Variants in DISC1 observed in about 807,000 individuals in gnomAD.
DISC1 encodes disrupted in schizophrenia 1 protein.
Under a neutral mutation model 84.5 loss-of-function variants are expected in DISC1, and 57 were observed. That is an observed-to-expected ratio of 0.67 (90% confidence interval 0.55 to 0.84). The LOEUF is 0.84. Among genes scored for constraint, DISC1 ranks in the 40% least tolerant of loss-of-function variants. The probability of loss-of-function intolerance (pLI) is 0.00; values close to 1 mark genes in which losing one functional copy is unlikely to be tolerated. For missense variants in DISC1, 1,000 were observed against 1,057.8 expected, an observed-to-expected ratio of 0.95 and a Z score of 0.76; for synonymous variants, 411 against 415.2, an observed-to-expected ratio of 0.99 and a Z score of 0.12.
At chr1:231,920,190 G>A (rs766412548) in intron 9 of DISC1, among the ~76,000 whole-genome samples, 22 of 152,148 alleles carry the variant, frequency 1.4e-4, no homozygotes, top group South Asian at 4.1e-4. Context: ...AAAACACAGC[G>A]TGCCTAGTTA....
chr1:231,931,265 T>C (rs1181961726), intron 9 of DISC1, among the ~76,000 whole-genome samples: 1 of 152,174 alleles, frequency 6.6e-6, no homozygotes, highest in African/African-American at 2.4e-5. Flanking sequence ...GAGTCAGTGG[T>C]GTTCAGAGCC....
Position 231,771,054 on chromosome 1 carries a change from C to T in DISC1, c.1618C>T (p.Pro540Ser), listed in dbSNP as rs1407980427. The change falls in exon 6 of 13, where the codon CCG (proline) becomes TCG (serine). Residue 540 changes from proline (P) to serine (S), a missense_variant. Pro to Ser is a moderately conservative substitution (Grantham distance 74, BLOSUM62 -1). This residue lies in a region of DISC1 where 397 missense variants were observed against 377.5 expected (regional missense o/e 1.05). Transcript: ENST00000439617. Reference protein sequence around the residue: ...AGQIPFHAEPPETIRSLQERI... With the variant: ...AGQIPFHAEPSETIRSLQERI... ...TCAGATTCCCTTCCATGCAGAGCCA[C>T]CGGAAACCATAAGGAGGTACTGCTG... 1.2e-6 allele frequency: 2 copies of T among 1,603,580 alleles called. No homozygotes were observed. Among genetic ancestry groups the T allele is most frequent in the African/African-American group, 2.7e-5 (2 of 74,742 alleles).
chr1:231,749,775 A>T, intron 3 of DISC1, 151 bp from the exon 4 acceptor site: 1 of 932,366 alleles, frequency 1.1e-6, no homozygotes, highest in Non-Finnish European at 1.7e-6. Flanking sequence ...GTACCAACTG[A>T]GAGATGAAAG....
chr1:231,809,523 T>G (rs868815460), intron 8 of DISC1, among the ~76,000 whole-genome samples: 524 of 78,186 alleles, frequency 6.7e-3, no homozygotes, highest in African/African-American at 0.023. Flanking sequence ...CTTTTTTTTT[T>G]GAAAAAAAAA....
chr1:231,711,217 TA>T (rs2067781210), intron 3 of DISC1, among the ~76,000 whole-genome samples: 2 of 151,772 alleles, frequency 1.3e-5, no homozygotes, highest in Admixed American at 6.6e-5. Flanking sequence ...AAACTATGCA[TA>T]AAAAAATAGC....
intron 9 of DISC1, among the ~76,000 whole-genome samples, chr1:231,918,306 C>T (rs2089774452): frequency 6.6e-6 from 1 of 152,146 alleles, no homozygotes. Context: ...ATGAGAGAAC[C>T]AAGATGATTT....
chr1:231,965,949 G>A (rs1661051515), intron 10 of DISC1, among the ~76,000 whole-genome samples: 1 of 152,142 alleles, frequency 6.6e-6, no homozygotes, highest in Non-Finnish European at 1.5e-5. Context: ...TGAGCTCCTT[G>A]TAGATGGAGC....
intron 1 of DISC1, among the ~76,000 whole-genome samples, chr1:231,660,951 C>A (rs1347794287): frequency 5.9e-5 from 9 of 152,086 alleles, no homozygotes; most frequent in Admixed American, 4.6e-4. Context: ...GTGATGAATT[C>A]TCTCAGCCTT....
chr1:231,658,187 G>A (rs1315676070), intron 1 of DISC1, among the ~76,000 whole-genome samples: 1 of 152,100 alleles, frequency 6.6e-6, no homozygotes, highest in Non-Finnish European at 1.5e-5. Context: ...CCTTGAAGAG[G>A]TCCTTCACTT....
In DISC1 at chr1:231,670,478, A is replaced by C. The variant is rs150946938; in HGVS notation, c.68-23348A>C. Among the ~76,000 whole-genome samples the C allele has an allele frequency of 2.5e-3, 377 of 152,366 alleles. 6 individuals are homozygous for C. Among genetic ancestry groups the C allele is most frequent in the African/African-American group, 8.6e-3 (359 of 41,584 alleles). On this transcript the variant is annotated intron_variant, in intron 1 of 12. Coordinates refer to ENST00000439617, the MANE Select transcript of DISC1 (RefSeq NM_018662.3). ...TTTGCAGCTTGCTTCTCTGAGCCTTAAGGTGTTCCACCTCTAAAATTGGTT... is the reference window on the plus strand; with the variant it reads ...TTTGCAGCTTGCTTCTCTGAGCCTTCAGGTGTTCCACCTCTAAAATTGGTT...
At chr1:231,832,923 C>T (rs911029835) in intron 9 of DISC1, among the ~76,000 whole-genome samples, 2 of 121,716 alleles carry the variant, frequency 1.6e-5, no homozygotes, top group Admixed American at 8.0e-5. Context: ...AGGCTTTAAT[C>T]ATTTTAAAGA....
chr1:231,998,617 A>G (rs1363438671), intron 10 of DISC1, among the ~76,000 whole-genome samples: 1 of 152,248 alleles, frequency 6.6e-6, no homozygotes, highest in African/African-American at 2.4e-5. Flanking sequence ...AAGAATATTA[A>G]ATAAAACCAT....
intron 3 of DISC1, among the ~76,000 whole-genome samples, chr1:231,719,714 T>C (rs2069348398): frequency 6.6e-6 from 1 of 152,240 alleles, no homozygotes; most frequent in Non-Finnish European, 1.5e-5. Context: ...CTTTTTAATC[T>C]CTTTGTGTTT....
In DISC1 at chr1:231,716,435, A is replaced by G. The variant is rs1425774820; in HGVS notation, c.1117+14411A>G. Among the ~76,000 whole-genome samples the G allele has an allele frequency of 3.3e-5, 5 of 151,640 alleles. No individual in the cohort carries two copies. The South Asian group carries it at 6.2e-4, about 19-fold the overall frequency. On this transcript the variant is annotated intron_variant, in intron 3 of 12. Transcript: ENST00000439617. ...TCTTCACATTGTCGTATGGCAAACT[A>G]TTTTTTTTATCTGCAGTCTAAATTT...
chr1:231,705,321 TAAAAA>T (rs5781665), intron 3 of DISC1, among the ~76,000 whole-genome samples: 1 of 104,116 alleles, frequency 9.6e-6, no homozygotes, highest in Non-Finnish European at 1.8e-5. Context: ...AAAAAATCAT[TAAAAA>T]AAAAAAAATA....
At chr1:231,720,954 C>G (rs1211301231) in intron 3 of DISC1, 2 of 1,290,820 alleles carry the variant, frequency 1.5e-6, no homozygotes, top group Non-Finnish European at 2.0e-6. Context: ...CAGGAAGTCA[C>G]TGGAAGGGTT....
chr1:231,936,481 A>G (rs994903640), intron 9 of DISC1, among the ~76,000 whole-genome samples: 1 of 152,198 alleles, frequency 6.6e-6, no homozygotes, highest in Non-Finnish European at 1.5e-5. Flanking sequence ...ATAGTGAGAC[A>G]ACAGCATTGC....
chr1:232,036,739 A>C lies in DISC1; in HGVS notation c.2473A>C (p.Met825Leu), dbSNP rs746702454. 1 of 1,608,364 alleles carries C rather than the reference A, an allele frequency of 6.2e-7. No homozygotes were observed. The change falls in exon 13 of 13, where the codon ATG (methionine) becomes CTG (leucine). Residue 825 changes from methionine (M) to leucine (L), a missense_variant. Coordinates refer to ENST00000439617, the MANE Select transcript of DISC1 (RefSeq NM_018662.3). ...LQMVKETLQAMILQLQPAKEA... is the reference protein window; with the variant it reads ...LQMVKETLQALILQLQPAKEA... ...GATGGTGAAGGAAACTCTGCAGGCC[A>C]TGATCCTGCAGCTCCAGCCAGCAAA...
chr1:231,799,889 T>TTCCCTCCCTCCCTCCCTCCC (rs1267053923), intron 7 of DISC1, among the ~76,000 whole-genome samples: 2 of 188 alleles, frequency 0.011, 1 homozygote, highest in Non-Finnish European at 0.017. Context: ...CCTTCCCTCC[T>TTCCCTCCCTCCCTCCCTCCC]TCCCTTCCTC....
Sources: gnomAD v4.1 joint callset for allele counts (sites outside exome capture counted in the v4.1 genomes callset) on GRCh38, gnomAD v4.1.1 for gene constraint, gnomAD v4.1.1 regional missense constraint, MANE v1.5 for transcripts, NCBI Gene and HGNC (gene_info 2026-07-23, HGNC 2026-07-21) for gene names.